GNAQ: variants seen among roughly 807,000 people sequenced by gnomAD.
GNAQ encodes G protein subunit alpha q.
Under a neutral mutation model 43.9 loss-of-function variants are expected in GNAQ, and 8 were observed. That is an observed-to-expected ratio of 0.18 (90% CI 0.11 to 0.33). The LOEUF (loss-of-function observed/expected upper bound fraction) is 0.33. GNAQ is among the 10% of genes least tolerant of loss of function. The pLI, the probability that GNAQ is intolerant of heterozygous loss-of-function variation, is 1.00. For missense variants in GNAQ, 158 were observed against 450.8 expected (o/e 0.35, Z 5.88); for synonymous variants, 155 against 170.7 (o/e 0.91, Z 0.71).
chr9:77,842,839 C>G (rs1827513321), intron 2 of GNAQ, among the ~76,000 whole-genome samples: 1 of 152,114 alleles, frequency 6.6e-6, no homozygotes, highest in Non-Finnish European at 1.5e-5. Context: ...TTCTGCCAGG[C>G]TCCTAGAATT....
At chr9:77,848,536 G>A (rs10869978) in intron 2 of GNAQ, among the ~76,000 whole-genome samples, 84,605 of 152,158 alleles carry the variant, frequency 0.56, 25,958 homozygotes, top group Non-Finnish European at 0.7. Context: ...CAGATTCCTG[G>A]CCAACAGCAG....
At chr9:77,995,269 C>G (rs76330533) in intron 1 of GNAQ, among the ~76,000 whole-genome samples, 1,618 of 152,276 alleles carry the variant, frequency 0.011, 21 homozygotes, top group African/African-American at 0.036. Flanking sequence ...AACTCACATT[C>G]AAACTCTGGT....
chr9:77,883,774 G>A (rs1264581580), intron 2 of GNAQ, among the ~76,000 whole-genome samples: 1 of 152,074 alleles, frequency 6.6e-6, no homozygotes, highest in Non-Finnish European at 1.5e-5. Flanking sequence ...AATGTGCTCT[G>A]TCCCATGTGG....
intron 3 of GNAQ, among the ~76,000 whole-genome samples, chr9:77,805,344 G>A (rs186484187): frequency 2.6e-5 from 4 of 152,166 alleles, no homozygotes; most frequent in South Asian, 2.1e-4. Context: ...CCTGACATAC[G>A]TGTTAGAGTT....
intron 1 of GNAQ, among the ~76,000 whole-genome samples, chr9:77,942,389 C>A (rs1829328486): frequency 6.6e-6 from 1 of 152,128 alleles, no homozygotes. Context: ...GAGCCATTAG[C>A]AGAACATGTT....
chr9:77,813,362 G>A (rs1002597225), intron 3 of GNAQ, among the ~76,000 whole-genome samples: 1 of 152,186 alleles, frequency 6.6e-6, no homozygotes, highest in Non-Finnish European at 1.5e-5. Flanking sequence ...CGTAAGGAGT[G>A]TGCCCGTTTC....
At chr9:77,944,425 T>G (rs1204238963) in intron 1 of GNAQ, among the ~76,000 whole-genome samples, 1 of 151,818 alleles carries the variant, frequency 6.6e-6, no homozygotes, top group African/African-American at 2.4e-5. Flanking sequence ...CAATCATCCT[T>G]GCACCATCAA....
intron 3 of GNAQ, among the ~76,000 whole-genome samples, chr9:77,813,558 G>T (rs1053493501): frequency 2.6e-5 from 4 of 152,138 alleles, no homozygotes; most frequent in African/African-American, 9.7e-5. Flanking sequence ...TAAACTGAGG[G>T]TATGTCATCA....
At chr9:77,736,384 G>C (rs1300966927) in intron 5 of GNAQ, among the ~76,000 whole-genome samples, 1 of 152,110 alleles carries the variant, frequency 6.6e-6, no homozygotes, top group African/African-American at 2.4e-5. Context: ...AAATCACACA[G>C]CCGGGATAGA....
chr9:77,809,393 T>A (rs1013260280), intron 3 of GNAQ, among the ~76,000 whole-genome samples: 1 of 152,206 alleles, frequency 6.6e-6, no homozygotes, highest in Non-Finnish European at 1.5e-5. Flanking sequence ...TTCTGGCTAA[T>A]GTCAGGGAGC....
Position 77,990,803 on chromosome 9 carries a change from T to C in GNAQ, c.136+40297A>G, listed in dbSNP as rs779958833. The stretch of plus-strand genomic sequence containing the variant: ...TCATGAAAGTAGAGTGTAGTTATGG[T>C]AAGCCAATAAATAGCAATTTCTCCC... On this transcript the variant is annotated intron_variant, in intron 1 of 6. Coordinates refer to ENST00000286548, the MANE Select transcript of GNAQ (RefSeq NM_002072.5). Among the ~76,000 whole-genome samples the C allele has an allele frequency of 3.7e-4, 57 of 152,182 alleles. 1 individual carries two copies. Among genetic ancestry groups the C allele is most frequent in the Non-Finnish European group, 7.3e-4 (50 of 68,038 alleles).
intron 6 of GNAQ, among the ~76,000 whole-genome samples, chr9:77,727,566 T>TA (rs1825416802): frequency 6.6e-6 from 1 of 152,158 alleles, no homozygotes; most frequent in African/African-American, 2.4e-5. Context: ...ACAAAGAGCT[T>TA]AACACTGGGT....
chr9:77,917,549 G>A (rs1052872702), intron 2 of GNAQ, among the ~76,000 whole-genome samples: 14 of 151,794 alleles, frequency 9.2e-5, no homozygotes, highest in African/African-American at 3.4e-4. Context: ...AAAAAAGGAA[G>A]CCATAAAATA....
At chr9:77,895,784 C>T (rs974553625) in intron 2 of GNAQ, among the ~76,000 whole-genome samples, 5 of 152,060 alleles carry the variant, frequency 3.3e-5, no homozygotes, top group African/African-American at 4.8e-5. Context: ...TGGATCTTTC[C>T]GGTGCTGTTC....
chr9:78,026,298 T>G (rs1003244905), intron 1 of GNAQ, among the ~76,000 whole-genome samples: 1 of 152,122 alleles, frequency 6.6e-6, no homozygotes, highest in African/African-American at 2.4e-5. Flanking sequence ...ATCTACGTAG[T>G]TCAATGCAAA....
intron 1 of GNAQ, among the ~76,000 whole-genome samples, chr9:77,976,625 C>T (rs919820030): frequency 6.6e-6 from 1 of 152,112 alleles, no homozygotes; most frequent in South Asian, 2.1e-4. Context: ...CTCCTGACCT[C>T]GTGATCCACC....
rs1491406580 is a variant in GNAQ at position 77,863,214 on chromosome 9, GGA to G, written c.322-47446_322-47445del. 2.0e-5 allele frequency among the ~76,000 whole-genome samples: 3 copies of G among 150,704 alleles called. No homozygotes were observed. The East Asian group carries it at 5.9e-4, about 29-fold the overall frequency. On this transcript the variant is annotated intron_variant, in intron 2 of 6. Coordinates refer to ENST00000286548, the MANE Select transcript of GNAQ (RefSeq NM_002072.5). The stretch of plus-strand genomic sequence containing the variant: ...AGGAAGGAAGGAAGGAAGGAAGGAA[GGA>G]AGGGAGGAAGGAAGAAAGGAAGGAA...
chr9:77,922,364 C>G lies in GNAQ; in HGVS notation c.137-19G>C. 1 of 1,582,602 alleles carries G rather than the reference C, an allele frequency of 6.3e-7. No individual in the cohort carries two copies. ...CCTGTCCCTGAAAGATGAACAATAG[C>G]AGCTCATCAGACCACAGTGCCATCT... On this transcript the variant is annotated intron_variant, in intron 1 of 6. Coordinates refer to ENST00000286548, the MANE Select transcript of GNAQ (RefSeq NM_002072.5).
intron 1 of GNAQ, among the ~76,000 whole-genome samples, chr9:77,977,232 C>T (rs1179992276): frequency 6.6e-6 from 1 of 152,124 alleles, no homozygotes; most frequent in Admixed American, 6.6e-5. Context: ...TAGCTCCTTC[C>T]CTGGCCCTTC....
Sources: allele counts gnomAD v4.1 joint callset (sites outside exome capture counted in the v4.1 genomes callset), GRCh38; gene constraint gnomAD v4.1.1; transcripts MANE v1.5; gene names NCBI Gene and HGNC (gene_info 2026-07-23, HGNC 2026-07-21).